Variants in SCMH1 observed in about 807,000 individuals in gnomAD.
The protein encoded by SCMH1 is Scm polycomb group protein homolog 1, also known as polycomb protein SCMH1.
SCMH1 carries 37 observed loss-of-function variants against 70.8 expected under a neutral mutation model. The observed-to-expected ratio is 0.52, with a 90% confidence interval of 0.40 to 0.69. The LOEUF (loss-of-function observed/expected upper bound fraction) is 0.69. Ranked by LOEUF, SCMH1 falls within the 30% of genes least tolerant of loss-of-function variation. The pLI is 0.00. For missense variants in SCMH1, 607 were observed against 827.3 expected, an observed-to-expected ratio of 0.73 and a Z score of 3.27; for synonymous variants, 292 against 307.4, an observed-to-expected ratio of 0.95 and a Z score of 0.52.
chr1:41,197,799 C>T (rs764804635), intron 1 of SCMH1, among the ~76,000 whole-genome samples: 19 of 152,130 alleles, frequency 1.2e-4, no homozygotes, highest in Non-Finnish European at 2.6e-4. Flanking sequence ...TTCAAGAAAT[C>T]CAATCTTGAG....
chr1:41,231,387 A>T (rs1242264779), intron 1 of SCMH1, among the ~76,000 whole-genome samples: 1 of 152,236 alleles, frequency 6.6e-6, no homozygotes, highest in Non-Finnish European at 1.5e-5. Flanking sequence ...TTTTATTATA[A>T]CTTTTTAAAA....
chr1:41,214,831 A>G (rs536676856), intron 1 of SCMH1, among the ~76,000 whole-genome samples: 1 of 152,298 alleles, frequency 6.6e-6, no homozygotes, highest in African/African-American at 2.4e-5. Flanking sequence ...AGTGTTTGGG[A>G]AATCCTGAAA....
intron 6 of SCMH1, among the ~76,000 whole-genome samples, chr1:41,133,657 G>A (rs1015180739): frequency 1.7e-4 from 26 of 151,934 alleles, no homozygotes; most frequent in African/African-American, 5.8e-4. Flanking sequence ...TACTATAAAC[G>A]CCTCTATGCA....
At chr1:41,177,798 A>G (rs1647398112) in intron 2 of SCMH1, among the ~76,000 whole-genome samples, 1 of 152,250 alleles carries the variant, frequency 6.6e-6, no homozygotes, top group Admixed American at 6.5e-5. Context: ...GAATGGAACC[A>G]AGTTGGAAAA....
intron 10 of SCMH1, among the ~76,000 whole-genome samples, chr1:41,049,277 A>G (rs2363096): frequency 0.85 from 129,124 of 151,826 alleles, 55,414 homozygotes; most frequent in East Asian, 0.97. Flanking sequence ...TGTGTAAGGC[A>G]CTGTGGGGCA....
At chr1:41,186,795 GAGA>G (rs1650332291) in intron 1 of SCMH1, among the ~76,000 whole-genome samples, 1 of 152,204 alleles carries the variant, frequency 6.6e-6, no homozygotes, top group African/African-American at 2.4e-5. Context: ...AGGACTCAGA[GAGA>G]AGGTGTCATC....
At chr1:41,142,016 A>T (rs947509865) in intron 6 of SCMH1, among the ~76,000 whole-genome samples, 1 of 152,202 alleles carries the variant, frequency 6.6e-6, no homozygotes. Flanking sequence ...GTGGGGACAG[A>T]AAGTGTATAC....
At chr1:41,091,849 C>T (rs1663617495) in intron 8 of SCMH1, among the ~76,000 whole-genome samples, 1 of 152,106 alleles carries the variant, frequency 6.6e-6, no homozygotes, top group South Asian at 2.1e-4. Context: ...GAACTACAAA[C>T]CACTGCTCAA....
intron 4 of SCMH1, among the ~76,000 whole-genome samples, chr1:41,159,093 A>G (rs1191550470): frequency 6.6e-6 from 1 of 152,168 alleles, no homozygotes; most frequent in African/African-American, 2.4e-5. Flanking sequence ...AGGGTAGATT[A>G]TTTTATGGTC....
At chr1:41,048,782 T>C in exon 11 of SCMH1, 1 of 1,614,212 alleles carries the variant, frequency 6.2e-7, no homozygotes, top group Non-Finnish European at 8.5e-7. Flanking sequence ...GACAGCCTGC[T>C]GCAACACCAC....
intron 1 of SCMH1, among the ~76,000 whole-genome samples, chr1:41,229,531 A>G (rs1660905419): frequency 6.6e-6 from 1 of 152,292 alleles, no homozygotes. Flanking sequence ...ACAGGTGGGA[A>G]GTGAACAATG....
At chr1:41,170,365 C>T (rs1204904105) in intron 2 of SCMH1, among the ~76,000 whole-genome samples, 4 of 152,202 alleles carry the variant, frequency 2.6e-5, no homozygotes, top group East Asian at 1.9e-4. Context: ...CTGGCCCTAG[C>T]GTGCTTCAGT....
chr1:41,148,030 G>T (rs1644740088), intron 5 of SCMH1, among the ~76,000 whole-genome samples: 1 of 152,028 alleles, frequency 6.6e-6, no homozygotes, highest in East Asian at 1.9e-4. Context: ...TGATATAGCT[G>T]GGTTTAAATA....
chr1:41,156,923 C>T (rs1389363591), intron 4 of SCMH1, among the ~76,000 whole-genome samples: 2 of 151,616 alleles, frequency 1.3e-5, no homozygotes, highest in Non-Finnish European at 2.9e-5. Context: ...CTCGGACTCC[C>T]AAAGTGCTGG....
intron 9 of SCMH1, among the ~76,000 whole-genome samples, chr1:41,074,204 A>G (rs940411154): frequency 3.9e-5 from 6 of 151,918 alleles, no homozygotes; most frequent in Non-Finnish European, 8.8e-5. Flanking sequence ...TTCCAATACT[A>G]GAATACTAGA....
intron 8 of SCMH1, among the ~76,000 whole-genome samples, chr1:41,086,574 G>A (rs927711361): frequency 1.3e-5 from 2 of 148,558 alleles, no homozygotes; most frequent in African/African-American, 4.9e-5. Context: ...CCCTGCCCCT[G>A]GAGCTGGATA....
intron 1 of SCMH1, among the ~76,000 whole-genome samples, chr1:41,220,023 A>G (rs538672867): frequency 6.6e-6 from 1 of 152,184 alleles, no homozygotes; most frequent in South Asian, 2.1e-4. Flanking sequence ...TACATTATAT[A>G]TTAATCAACA....
chr1:41,164,952 C>T (rs1456924377), intron 2 of SCMH1, among the ~76,000 whole-genome samples: 4 of 152,194 alleles, frequency 2.6e-5, no homozygotes, highest in Non-Finnish European at 5.9e-5. Context: ...TTATTAACTA[C>T]AGTCAACATG....
intron 8 of SCMH1, among the ~76,000 whole-genome samples, chr1:41,106,576 T>A (rs918280116): frequency 2.0e-5 from 3 of 152,054 alleles, no homozygotes; most frequent in Non-Finnish European, 2.9e-5. Flanking sequence ...GCTCATAAGG[T>A]AAAAATCCAG....
Sources: allele counts gnomAD v4.1 joint callset (sites outside exome capture counted in the v4.1 genomes callset), GRCh38; gene constraint gnomAD v4.1.1; transcripts MANE v1.5; gene names NCBI Gene and HGNC (gene_info 2026-07-23, HGNC 2026-07-21).